IL1RAPL2: variants seen among roughly 807,000 people sequenced by gnomAD.
IL1RAPL2 encodes X-linked interleukin-1 receptor accessory protein-like 2.
A neutral mutation model predicts 44.1 loss-of-function variants in IL1RAPL2; 3 were observed. The observed-to-expected ratio is 0.07, with a 90% CI of 0.03 to 0.18. The LOEUF (loss-of-function observed/expected upper bound fraction) is 0.18, where lower values mean the gene tolerates loss of function less well. Ranked by LOEUF, IL1RAPL2 falls within the 10% of genes least tolerant of loss-of-function variation. IL1RAPL2 has a pLI of 1.00. For missense variants in IL1RAPL2, 391 were observed against 496.4 expected (o/e 0.79, Z 2.02); for synonymous variants, 181 against 178.8 (o/e 1.01, Z -0.10).
At chrX:105,289,943 T>A (rs2034600119) in intron 5 of IL1RAPL2, among the ~76,000 whole-genome samples, 1 of 109,958 alleles carries the variant, frequency 9.1e-6, no homozygotes, top group African/African-American at 3.3e-5. Flanking sequence ...TGAGGAGGAG[T>A]ATTCAATCAG....
chrX:105,434,000 G>A (rs2035864955), intron 5 of IL1RAPL2, among the ~76,000 whole-genome samples: 1 of 111,154 alleles, frequency 9.0e-6, no homozygotes, highest in African/African-American at 3.3e-5. Context: ...TAACAAACTC[G>A]AATTTATAAT....
chrX:105,679,877 TGATG>T (rs746754923), intron 6 of IL1RAPL2, among the ~76,000 whole-genome samples: 1 of 112,323 alleles, frequency 8.9e-6, no homozygotes, highest in South Asian at 3.7e-4. Context: ...AAGTTTATTT[TGATG>T]GATGTTTTCA....
At chrX:105,319,873 C>T (rs551995992) in intron 5 of IL1RAPL2, among the ~76,000 whole-genome samples, 26 of 111,277 alleles carry the variant, frequency 2.3e-4, no homozygotes, top group African/African-American at 7.5e-4. Flanking sequence ...AATAGGCGAT[C>T]ATAGAAAAGA....
intron 5 of IL1RAPL2, among the ~76,000 whole-genome samples, chrX:105,399,004 G>C: frequency 8.9e-6 from 1 of 111,786 alleles, no homozygotes; most frequent in Non-Finnish European, 1.9e-5. Context: ...TTTAGAAAAT[G>C]GGTTCTTGTC....
intron 2 of IL1RAPL2, among the ~76,000 whole-genome samples, chrX:105,044,973 T>C (rs2031817834): frequency 9.0e-6 from 1 of 111,489 alleles, no homozygotes; most frequent in Non-Finnish European, 1.9e-5. Context: ...TGGTATAGAT[T>C]GGAGCCAGAG....
chrX:105,334,703 G>C (rs997109581), intron 5 of IL1RAPL2, among the ~76,000 whole-genome samples: 5 of 110,691 alleles, frequency 4.5e-5, no homozygotes, highest in Non-Finnish European at 9.5e-5. Flanking sequence ...CTGTTTTTGG[G>C]AGAAATCTCT....
intron 6 of IL1RAPL2, among the ~76,000 whole-genome samples, chrX:105,585,779 T>G (rs1176132578): frequency 3.6e-5 from 4 of 112,031 alleles, no homozygotes; most frequent in Admixed American, 2.8e-4. Flanking sequence ...ATGGGCATTT[T>G]GGTTGATTTT....
chrX:105,356,631 G>A (rs1213965134), intron 5 of IL1RAPL2, among the ~76,000 whole-genome samples: 1 of 112,143 alleles, frequency 8.9e-6, no homozygotes, highest in Non-Finnish European at 1.9e-5. Context: ...ACTTAGAAGG[G>A]CATTACCTGC....
rs2035638900 is a variant in IL1RAPL2 at position 105,405,708 on chromosome X, A to T, written c.698-78605A>T. 5 of 972,126 alleles carry T rather than the reference A, an allele frequency of 5.1e-6. No homozygotes were observed. In the Admixed American group the frequency reaches 1.1e-4, roughly 21 times the overall value. The allele number at this position is 972,126 out of a possible 1,213,427, so 80.1% of individuals were successfully genotyped here. A position where few individuals can be genotyped will look rare whatever the true frequency, so the allele number is the denominator to read the frequency against. Reference sequence around the variant, plus strand: ...AAGAACGGAAAGAGTAAGAGACTTAAATGAATATGACTGATTGTCACACAA... The same window carrying T: ...AAGAACGGAAAGAGTAAGAGACTTATATGAATATGACTGATTGTCACACAA... On this transcript the variant is annotated intron_variant, in intron 5 of 10. Transcript: ENST00000372582.
At chrX:104,807,892 A>G (rs1177282820) in intron 2 of IL1RAPL2, among the ~76,000 whole-genome samples, 1 of 111,666 alleles carries the variant, frequency 9.0e-6, no homozygotes, top group African/African-American at 3.3e-5. Context: ...TAAAAACAGC[A>G]CTTATGTGTT....
Position 104,740,663 on chromosome X carries a change from G to T in IL1RAPL2, c.82+81668G>T, listed in dbSNP as rs760680977. Among the ~76,000 whole-genome samples, 302 of 110,656 alleles carry T rather than the reference G, an allele frequency of 2.7e-3. 1 individual carries two copies. The highest frequency in any genetic ancestry group is 9.2e-3 in the African/African-American group (282 of 30,649). On this transcript the variant is annotated intron_variant, in intron 2 of 10. Transcript: ENST00000372582. ...TAAACCTAGTCCGTTATTTATCGGG[G>T]AAACTCAACTCTACGTTTGATTGGC... is the stretch of plus-strand genomic sequence containing the variant.
chrX:105,360,718 G>A (rs1300518069), intron 5 of IL1RAPL2, among the ~76,000 whole-genome samples: 1 of 110,760 alleles, frequency 9.0e-6, no homozygotes, highest in African/African-American at 3.3e-5. Context: ...AAAGCCCAGG[G>A]GTAGGAGCTT....
intron 6 of IL1RAPL2, among the ~76,000 whole-genome samples, chrX:105,625,245 A>T (rs1236419537): frequency 8.9e-6 from 1 of 112,193 alleles, no homozygotes; most frequent in Non-Finnish European, 1.9e-5. Context: ...TCATTCATAC[A>T]GGTAGCAAAA....
chrX:105,395,640 A>G (rs962777808), intron 5 of IL1RAPL2, among the ~76,000 whole-genome samples: 2 of 111,229 alleles, frequency 1.8e-5, no homozygotes, highest in African/African-American at 6.5e-5. Context: ...TGGTTTGAAA[A>G]AAATCTCAGT....
At position 105,277,296 on chromosome X, in the gene IL1RAPL2, G is replaced by C. The variant is rs771579422; in HGVS notation, c.697+9755G>C. Among the ~76,000 whole-genome samples the C allele has an allele frequency of 6.2e-5, 7 of 112,258 alleles. No individual in the cohort carries two copies. In the South Asian group the frequency reaches 2.6e-3, roughly 42 times the overall value. ...CAACCACAGCAGTCAATAGTTCTTG[G>C]ATGCATTAAGGGAACATTCACATGA... On this transcript the variant is annotated intron_variant, in intron 5 of 10. Transcript: ENST00000372582.
At chrX:105,665,753 T>TTTTTTTTTGTTG (rs2037759802) in intron 6 of IL1RAPL2, among the ~76,000 whole-genome samples, 1 of 69,307 alleles carries the variant, frequency 1.4e-5, no homozygotes, top group African/African-American at 5.6e-5. Flanking sequence ...TTTTTTTTTT[T>TTTTTTTTTGTTG]TTGTTGTTGT....
At chrX:105,227,286 A>C (rs1295530964) in intron 3 of IL1RAPL2, among the ~76,000 whole-genome samples, 2 of 112,237 alleles carry the variant, frequency 1.8e-5, no homozygotes, top group African/African-American at 6.5e-5. Flanking sequence ...TTTAATTACC[A>C]GGTTTACACC....
chrX:105,237,669 C>T (rs1244844034), intron 4 of IL1RAPL2, among the ~76,000 whole-genome samples: 2 of 111,508 alleles, frequency 1.8e-5, no homozygotes, highest in African/African-American at 6.5e-5. Context: ...TCATATCCTT[C>T]GCCCACTTGT....
At chrX:105,287,591 G>A (rs775725252) in intron 5 of IL1RAPL2, among the ~76,000 whole-genome samples, 32 of 111,890 alleles carry the variant, frequency 2.9e-4, no homozygotes, top group Admixed American at 1.3e-3. Context: ...GCTTGCACTA[G>A]TCCAGGCTAG....
Sources: gnomAD v4.1 joint callset for allele counts (sites outside exome capture counted in the v4.1 genomes callset) on GRCh38, gnomAD v4.1.1 for gene constraint, MANE v1.5 for transcripts, NCBI Gene and HGNC (gene_info 2026-07-23, HGNC 2026-07-21) for gene names.